LINC02747: variants seen among roughly 807,000 people sequenced by gnomAD.
LINC02747 encodes CCND1-upstream intergenic DNA repair 2.
At chr11:69,481,155 AC>A (rs1365533009) in intron 1 of LINC02747, among the ~76,000 whole-genome samples, 2 of 152,190 alleles carry the variant, frequency 1.3e-5, no homozygotes, top group Non-Finnish European at 2.9e-5. Context: ...AGCCAGTGTT[AC>A]TAGATCCCCA....
intron 1 of LINC02747, among the ~76,000 whole-genome samples, chr11:69,480,978 G>T (rs557017750): frequency 6.6e-6 from 1 of 152,336 alleles, no homozygotes; most frequent in Non-Finnish European, 1.5e-5. Flanking sequence ...AGGCCTGAGT[G>T]CACAGCCCGC....
intron 1 of LINC02747, among the ~76,000 whole-genome samples, chr11:69,478,196 A>G (rs1857013799): frequency 1.3e-5 from 2 of 152,146 alleles, no homozygotes. Context: ...ATGATCAGAA[A>G]AATGGAGGCT....
chr11:69,480,646 C>G (rs1410593409), intron 1 of LINC02747, among the ~76,000 whole-genome samples: 1 of 152,230 alleles, frequency 6.6e-6, no homozygotes. Flanking sequence ...CTGCAGACAT[C>G]ATCATCCGGA....
rs558533711 is a variant in LINC02747, at chr11:69,478,915, C to T, written n.121-1302G>A. Among the ~76,000 whole-genome samples, 6 of 151,544 alleles carry T rather than the reference C, an allele frequency of 4.0e-5. No homozygotes were observed. In the South Asian group the frequency reaches 1.3e-3, roughly 32 times the overall value. On this transcript the variant is annotated intron_variant and non_coding_transcript_variant, in intron 1 of 1. Coordinates refer to ENST00000645449, the Ensembl canonical transcript of LINC02747. ...GGCAAGATATCATAATAAGTTTTTA[C>T]ATGAAAATATAAAGTTACAAAACAA...
chr11:69,480,395 G>A (rs537098959), intron 1 of LINC02747, among the ~76,000 whole-genome samples: 3 of 152,314 alleles, frequency 2.0e-5, no homozygotes, highest in South Asian at 4.1e-4. Flanking sequence ...GGCTGCAGAC[G>A]TCACGGGCAC....
At chr11:69,479,204 A>G (rs1234685181) in intron 1 of LINC02747, among the ~76,000 whole-genome samples, 6 of 147,258 alleles carry the variant, frequency 4.1e-5, no homozygotes, top group Non-Finnish European at 7.5e-5. Context: ...GCAGTGAGCC[A>G]AGATCGCGCC....
intron 1 of LINC02747, among the ~76,000 whole-genome samples, chr11:69,477,770 C>T (rs977518985): frequency 2.6e-5 from 4 of 152,184 alleles, no homozygotes; most frequent in Non-Finnish European, 4.4e-5. Context: ...CAAGCTGCCA[C>T]AGCCTGGGAT....
At chr11:69,477,638 G>A (rs533777033) in intron 1 of LINC02747, 3 of 152,162 alleles carry the variant, frequency 2.0e-5, no homozygotes, top group Admixed American at 2.0e-4. Flanking sequence ...AGAGGTCAAG[G>A]TTGAAGGGAT....
At chr11:69,478,603 GA>G (rs1446802751) in intron 1 of LINC02747, among the ~76,000 whole-genome samples, 3 of 152,308 alleles carry the variant, frequency 2.0e-5, no homozygotes, top group Non-Finnish European at 4.4e-5. Context: ...AGCACTTTGG[GA>G]GGCTGAGGTG....
At chr11:69,478,095 T>C (rs1232782354) in intron 1 of LINC02747, among the ~76,000 whole-genome samples, 5 of 151,894 alleles carry the variant, frequency 3.3e-5, no homozygotes, top group African/African-American at 1.2e-4. Flanking sequence ...AACAAATGAA[T>C]AACAAAATGG....
chr11:69,477,339 T>G (rs973047110), exon 2 of LINC02747: 1 of 152,242 alleles, frequency 6.6e-6, no homozygotes, highest in Non-Finnish European at 1.5e-5. Flanking sequence ...GCTGAGCACA[T>G]GAAGGCCTCA....
At chr11:69,478,269 G>A (rs1565190406) in intron 1 of LINC02747, among the ~76,000 whole-genome samples, 3 of 152,156 alleles carry the variant, frequency 2.0e-5, no homozygotes, top group Non-Finnish European at 4.4e-5. Flanking sequence ...GCCCAACAAC[G>A]GAGTGGAGGC....
At chr11:69,481,527 G>C (rs1321687066) in exon 1 of LINC02747, 1 of 152,316 alleles carries the variant, frequency 6.6e-6, no homozygotes, top group Non-Finnish European at 1.5e-5. Flanking sequence ...TCCTCACATA[G>C]AGGCCCATGC....
intron 1 of LINC02747, among the ~76,000 whole-genome samples, chr11:69,480,975 A>T (rs1024172678): frequency 1.3e-5 from 2 of 152,200 alleles, no homozygotes; most frequent in South Asian, 4.1e-4. Context: ...GCCAGGCCTG[A>T]GTGCACAGCC....
chr11:69,480,248 C>A (rs562056267), intron 1 of LINC02747, among the ~76,000 whole-genome samples: 1 of 152,304 alleles, frequency 6.6e-6, no homozygotes, highest in East Asian at 1.9e-4. Context: ...CCGGAGCCAG[C>A]AGCCGGTTCC....
At chr11:69,480,950 T>A (rs1192702699) in intron 1 of LINC02747, among the ~76,000 whole-genome samples, 1 of 152,148 alleles carries the variant, frequency 6.6e-6, no homozygotes, top group East Asian at 1.9e-4. Context: ...CAGCACCACC[T>A]AGCCCAGGGA....
intron 1 of LINC02747, among the ~76,000 whole-genome samples, chr11:69,479,218 G>A (rs1172944539): frequency 7.6e-6 from 1 of 132,004 alleles, no homozygotes; most frequent in Non-Finnish European, 1.5e-5. Flanking sequence ...TCGCGCCACT[G>A]CCCTCCAGCC....
chr11:69,480,389 G>T (rs1857038177), intron 1 of LINC02747, among the ~76,000 whole-genome samples: 1 of 152,218 alleles, frequency 6.6e-6, no homozygotes, highest in Non-Finnish European at 1.5e-5. Flanking sequence ...GTGTGCGGCT[G>T]CAGACGTCAC....
intron 1 of LINC02747, among the ~76,000 whole-genome samples, chr11:69,480,900 C>T (rs967018152): frequency 6.6e-6 from 1 of 152,188 alleles, no homozygotes; most frequent in African/African-American, 2.4e-5. Flanking sequence ...CCAAGGTTCC[C>T]TGGAATCCTC....
Sources: allele counts gnomAD v4.1 joint callset (sites outside exome capture counted in the v4.1 genomes callset), GRCh38; gene constraint gnomAD v4.1.1; transcripts MANE v1.5; gene names NCBI Gene and HGNC (gene_info 2026-07-23, HGNC 2026-07-21).